Variants in HEATR4 observed in about 807,000 individuals in gnomAD.
HEATR4 encodes HEAT repeat-containing protein 4.
Under a neutral mutation model 108.8 loss-of-function variants are expected in HEATR4, and 95 were observed. That is an observed-to-expected ratio of 0.87 (90% confidence interval 0.74 to 1.04). HEATR4 has a LOEUF of 1.04. HEATR4 is among the 50% of genes least tolerant of loss of function. The probability of loss-of-function intolerance (pLI) is 0.00; values close to 1 mark genes in which losing one functional copy is unlikely to be tolerated. For missense variants in HEATR4, 1,152 were observed against 1,253.8 expected (o/e 0.92, Z 1.23); for synonymous variants, 443 against 459.4 (o/e 0.96, Z 0.46).
chr14:73,485,163 CAAAAA>C (rs1377981966), intron 17 of HEATR4, among the ~76,000 whole-genome samples: 3 of 147,832 alleles, frequency 2.0e-5, no homozygotes, highest in East Asian at 3.9e-4. Flanking sequence ...AACTCTGTCT[CAAAAA>C]AGAAAAAAGA....
chr14:73,578,121 G>A, the HEATR4 span, among the ~76,000 whole-genome samples: 4 of 151,914 alleles, frequency 2.6e-5, no homozygotes, highest in Admixed American at 6.6e-5. Flanking sequence ...AAAGTGCCAG[G>A]ATTATAGGCG....
At chr14:73,509,182 TC>T in intron 8 of HEATR4, 129 bp downstream of exon 8, 1 of 919,386 alleles carries the variant, frequency 1.1e-6, no homozygotes, top group African/African-American at 1.6e-5. Context: ...TTTCAAATGG[TC>T]TAACATAAAT....
In HEATR4 at chr14:73,522,148, G is replaced by A. The variant is rs907958437; in HGVS notation, c.881+124C>T. 14 of 985,600 alleles carry A rather than the reference G, an allele frequency of 1.4e-5. No individual in the cohort carries two copies. The South Asian group carries it at 2.2e-4, about 16-fold the overall frequency. The allele number at this position is 985,600 out of a possible 1,614,324, so 61.1% of individuals were successfully genotyped here. On this transcript the variant is annotated intron_variant, in intron 3 of 17. Transcript: ENST00000553558. ...TGCAGAGCTCTCAGAGAGCAGGCCG[G>A]TGGTGGAGAACATGAAGTTGATGGG... is the stretch of plus-strand genomic sequence containing the variant.
At chr14:73,610,067 G>A in the HEATR4 span, among the ~76,000 whole-genome samples, 1 of 151,862 alleles carries the variant, frequency 6.6e-6, no homozygotes, top group Non-Finnish European at 1.5e-5. Flanking sequence ...GACATAGGTA[G>A]AGGATCTGGA....
intron 16 of HEATR4, 138 bp from the exon 17 acceptor site, chr14:73,493,262 A>G: frequency 1.5e-6 from 1 of 667,548 alleles, no homozygotes; most frequent in Non-Finnish European, 2.6e-6. Context: ...CTTGAGACAG[A>G]TATTAGATTT....
intron 2 of HEATR4, among the ~76,000 whole-genome samples, chr14:73,526,101 C>T (rs1008434351): frequency 1.3e-5 from 2 of 152,170 alleles, no homozygotes; most frequent in African/African-American, 4.8e-5. Context: ...TCACCTCTGG[C>T]ACAACAGCTT....
chr14:73,570,399 C>G, the HEATR4 span, among the ~76,000 whole-genome samples: 1 of 151,864 alleles, frequency 6.6e-6, no homozygotes. Flanking sequence ...GAAACCCCGT[C>G]TCTACTAAAA....
At chr14:73,506,421 A>G (rs772454432) in intron 10 of HEATR4, 46 bp downstream of exon 10, 4 of 1,410,214 alleles carry the variant, frequency 2.8e-6, no homozygotes, top group East Asian at 4.6e-5. Context: ...TCTGTAGCTC[A>G]GCCTCTCTTA....
At chr14:73,561,322 C>T (rs1368346489), upstream of HEATR4, among the ~76,000 whole-genome samples, 4 of 150,800 alleles carry the variant, frequency 2.7e-5, no homozygotes, top group South Asian at 2.1e-4. Flanking sequence ...GCCAAGATCT[C>T]GCCATTGTGG....
intron 15 of HEATR4, among the ~76,000 whole-genome samples, chr14:73,496,124 T>TC (rs1351865550): frequency 6.7e-6 from 1 of 149,892 alleles, no homozygotes; most frequent in Non-Finnish European, 1.5e-5. Flanking sequence ...AGCGAGACTG[T>TC]CCCCCCCTCA....
upstream of HEATR4, among the ~76,000 whole-genome samples, chr14:73,562,138 T>C (rs1889538625): frequency 1.3e-5 from 2 of 151,878 alleles, no homozygotes; most frequent in African/African-American, 4.8e-5. Flanking sequence ...AGTGGAATAG[T>C]GGTTGCCAGG....
At chr14:73,512,384 CTCTT>C (rs1173236085) in intron 6 of HEATR4, among the ~76,000 whole-genome samples, 1 of 152,184 alleles carries the variant, frequency 6.6e-6, no homozygotes, top group East Asian at 1.9e-4. Flanking sequence ...GTATCTATCT[CTCTT>C]TCTTTAAATC....
rs1271585503 is a variant in HEATR4, at chr14:73,547,686, A to G, written c.-152+11065T>C. 7.0e-5 allele frequency among the ~76,000 whole-genome samples: 8 copies of G among 114,936 alleles called. 3 individuals are homozygous for G. The highest frequency in any genetic ancestry group is 3.9e-4 in the Admixed American group (4 of 10,140). 75.4% of individuals were successfully genotyped at this position (114,936 alleles called of 152,430 possible). The stretch of plus-strand genomic sequence containing the variant: ...GATCACTTGAAGTCAGGAGTTCGAG[A>G]GCAGCCTAGCCAACATGGTAAAACT... On this transcript the variant is annotated intron_variant, in intron 1 of 17. Transcript: ENST00000553558.
chr14:73,622,600 A>G, the HEATR4 span, among the ~76,000 whole-genome samples: 1 of 151,886 alleles, frequency 6.6e-6, no homozygotes, highest in East Asian at 1.9e-4. Context: ...GGGTTTCTCC[A>G]TGTTGGTCAG....
chr14:73,586,550 C>CA, the HEATR4 span, among the ~76,000 whole-genome samples: 6 of 151,800 alleles, frequency 4.0e-5, no homozygotes, highest in Non-Finnish European at 7.4e-5. Context: ...ACTAAAAATA[C>CA]AAAAAATTAG....
chr14:73,588,230 C>T, the HEATR4 span, among the ~76,000 whole-genome samples: 27,796 of 152,040 alleles, frequency 0.18, 4,467 homozygotes, highest in African/African-American at 0.43. Context: ...AAACTCCTGA[C>T]CTCAAGTGAT....
At chr14:73,484,177 A>G (rs1885355619) in intron 17 of HEATR4, among the ~76,000 whole-genome samples, 1 of 151,466 alleles carries the variant, frequency 6.6e-6, no homozygotes. Context: ...TGTCAATTTA[A>G]GAAGGTAAAG....
At chr14:73,568,964 G>A in the HEATR4 span, 3 of 493,620 alleles carry the variant, frequency 6.1e-6, no homozygotes, top group South Asian at 8.7e-5. Context: ...ATTCCTCTTC[G>A]CCATCAGGAG....
chr14:73,594,370 T>C, the HEATR4 span, among the ~76,000 whole-genome samples: 1 of 152,188 alleles, frequency 6.6e-6, no homozygotes, highest in South Asian at 2.1e-4. Flanking sequence ...CACTATTGGA[T>C]GCATTGCCAC....
Sources: gnomAD v4.1 joint callset for allele counts (sites outside exome capture counted in the v4.1 genomes callset) on GRCh38, gnomAD v4.1.1 for gene constraint, MANE v1.5 for transcripts, NCBI Gene and HGNC (gene_info 2026-07-23, HGNC 2026-07-21) for gene names.